The following GATA4 variants were observed in gnomAD, a reference collection of about 807,000 sequenced individuals.
The protein encoded by GATA4 is GATA binding protein 4, also known as transcription factor GATA-4.
In GATA4, 7 loss-of-function variants were observed where a neutral mutation model predicts 37.9. That is an observed-to-expected ratio of 0.18 (90% CI 0.11 to 0.35). GATA4 has a LOEUF of 0.35. GATA4 is among the 10% of genes least tolerant of loss of function. GATA4 has a pLI of 1.00. For missense variants in GATA4, 647 were observed against 653.0 expected, an observed-to-expected ratio of 0.99 and a Z score of 0.10; for synonymous variants, 372 against 292.6, an observed-to-expected ratio of 1.27 and a Z score of -2.77.
At chr8:11,744,457 C>T (rs1409441175) in intron 2 of GATA4, among the ~76,000 whole-genome samples, 1 of 152,198 alleles carries the variant, frequency 6.6e-6, no homozygotes, top group Non-Finnish European at 1.5e-5. Flanking sequence ...CATCCGAGGC[C>T]ACAGCTGTGC....
At chr8:11,756,859 C>G in intron 5 of GATA4, 76 bp from the exon 6 acceptor site, 2 of 1,601,820 alleles carry the variant, frequency 1.2e-6, no homozygotes, top group Admixed American at 3.3e-5. Flanking sequence ...GCACCCATCC[C>G]GGCTGTCTCG....
chr8:11,733,950 C>G (rs934896121), intron 2 of GATA4, among the ~76,000 whole-genome samples: 1 of 152,226 alleles, frequency 6.6e-6, no homozygotes, highest in Non-Finnish European at 1.5e-5. Flanking sequence ...CCCCCTGCCA[C>G]GAGGCTGGCA....
intron 2 of GATA4, among the ~76,000 whole-genome samples, chr8:11,722,068 T>C (rs1286338262): frequency 6.6e-6 from 1 of 152,210 alleles, no homozygotes; most frequent in African/African-American, 2.4e-5. Flanking sequence ...CACTGGTCTC[T>C]AACTCCTGGG....
intron 2 of GATA4, among the ~76,000 whole-genome samples, chr8:11,716,002 A>G (rs184751894): frequency 6.6e-6 from 1 of 152,258 alleles, no homozygotes; most frequent in African/African-American, 2.4e-5. Context: ...TTCATTTAAC[A>G]TAATGTCTTC....
At position 11,708,304 on chromosome 8, in the gene GATA4, G is replaced by T. The variant is rs371301441; in HGVS notation, c.-9G>T. The T allele has an allele frequency of 4.4e-6, 7 of 1,580,584 alleles. No individual in the cohort carries two copies. In the South Asian group the frequency reaches 7.9e-5, roughly 18 times the overall value. On this transcript the variant is annotated 5_prime_UTR_variant, in exon 2 of 7. Coordinates refer to ENST00000532059, the MANE Select transcript of GATA4 (RefSeq NM_001308093.3). The surrounding 1 kb of genome is among the most constrained non-coding windows in gnomAD (Gnocchi z 6.7). The stretch of plus-strand genomic sequence containing the variant: ...GAGAGGACACCGAAGCCGGGAGCTC[G>T]CAGGGACCATGTATCAGAGCTTGGC...
chr8:11,749,918 T>C lies in GATA4; in HGVS notation c.787-193T>C, dbSNP rs929644630. On this transcript the variant is annotated intron_variant, in intron 3 of 6. Transcript: ENST00000532059. This position sits in a 1 kb window ranked among gnomAD's most constrained non-coding sequence, Gnocchi z 4.6. ...TCTCCTCGGGCAGCAGAAACCTTGT[T>C]CTGATTTATTCCTCGCAGTGGCGCA... Among the ~76,000 whole-genome samples the C allele has an allele frequency of 6.6e-6, 1 of 152,212 alleles. No homozygotes were observed. The highest frequency in any genetic ancestry group is 1.5e-5 in the Non-Finnish European group (1 of 68,036).
At chr8:11,692,053 C>G, upstream of GATA4, 2 of 985,366 alleles carry the variant, frequency 2.0e-6, no homozygotes, top group Non-Finnish European at 2.4e-6. Context: ...GTGTCACCAA[C>G]AGAGGTGGCC....
At chr8:11,724,424 A>T (rs1162275765) in intron 2 of GATA4, among the ~76,000 whole-genome samples, 1 of 152,288 alleles carries the variant, frequency 6.6e-6, no homozygotes, top group East Asian at 1.9e-4. Flanking sequence ...TATATCCTTC[A>T]TGGCATCTTT....
chr8:11,701,137 T>G (rs73537868), upstream of GATA4, among the ~76,000 whole-genome samples: 1,395 of 152,042 alleles, frequency 9.2e-3, 24 homozygotes, highest in African/African-American at 0.032. Context: ...TAAAGCAATT[T>G]ATTCTTGCCT....
At chr8:11,681,803 T>A (rs1376013750) in intron 1 of GATA4, among the ~76,000 whole-genome samples, 1 of 152,176 alleles carries the variant, frequency 6.6e-6, no homozygotes, top group Non-Finnish European at 1.5e-5. Context: ...CCTGCCTGTC[T>A]TCTTTCCCGC....
upstream of GATA4, chr8:11,692,135 C>T: frequency 1.4e-6 from 1 of 712,796 alleles, no homozygotes; most frequent in Non-Finnish European, 1.7e-6. Flanking sequence ...GTTCTCCAGC[C>T]TAATGGCCTC....
chr8:11,680,496 T>C, intron 1 of GATA4: 2 of 985,462 alleles, frequency 2.0e-6, no homozygotes, highest in Non-Finnish European at 2.4e-6. Context: ...TCGATCAATC[T>C]GGCGCCACAT....
chr8:11,691,080 A>G (rs1799298453), upstream of GATA4, among the ~76,000 whole-genome samples: 1 of 152,210 alleles, frequency 6.6e-6, no homozygotes, highest in South Asian at 2.1e-4. Context: ...GTGTGGATAA[A>G]TGATTGTGTG....
At chr8:11,748,042 A>T (rs1563226810) in intron 2 of GATA4, among the ~76,000 whole-genome samples, 1 of 152,064 alleles carries the variant, frequency 6.6e-6, no homozygotes. Context: ...AGCCTGATGA[A>T]ACCCCGTCTC....
chr8:11,734,682 G>GT (rs1458419654), intron 2 of GATA4, among the ~76,000 whole-genome samples: 1 of 152,122 alleles, frequency 6.6e-6, no homozygotes, highest in Non-Finnish European at 1.5e-5. Flanking sequence ...AGATGGGGGG[G>GT]TTTCACCATG....
rs180765750 is a variant in GATA4, at chr8:11,750,175, G to A, written c.851G>A (p.Arg284His). The A allele has an allele frequency of 1.2e-6, 2 of 1,613,752 alleles. No homozygotes were observed. Among genetic ancestry groups the A allele is most frequent in the East Asian group, 2.2e-5 (1 of 44,884 alleles). ...NCQTTTTTLW[R>H]RNAEGEPVCN... ...CAGACCACCACCACCACGCTGTGGC[G>A]CCGCAATGCGGAGGGCGAGCCTGTG... is the stretch of plus-strand genomic sequence containing the variant. The change falls in exon 4 of 7, where the codon CGC (arginine) becomes CAC (histidine). Residue 284 changes from arginine to histidine, a missense_variant. By Grantham distance (29) the Arg-to-His change is conservative. This residue lies in a region of GATA4 where 21 missense variants were observed against 62.6 expected (regional missense o/e 0.34). Coordinates refer to ENST00000532059, the MANE Select transcript of GATA4 (RefSeq NM_001308093.3).
At chr8:11,697,643 C>G in intron 1 of GATA4, 1 of 985,444 alleles carries the variant, frequency 1.0e-6, no homozygotes, top group Non-Finnish European at 1.2e-6. Flanking sequence ...AGCACAGCCC[C>G]CCTTTCAGAG....
At chr8:11,725,896 T>C (rs1320502474) in intron 2 of GATA4, among the ~76,000 whole-genome samples, 1 of 152,188 alleles carries the variant, frequency 6.6e-6, no homozygotes, top group Non-Finnish European at 1.5e-5. Context: ...TGCATCTCTG[T>C]GTGGCTTGTC....
In GATA4 at chr8:11,758,375, A is replaced by T. The variant is rs909187176; in HGVS notation, c.1232A>T (p.Tyr411Phe). Residue 411 changes from tyrosine (Y) to phenylalanine (F), a missense_variant, in exon 7 of 7, where the codon TAT becomes TTT. Physicochemically the swap from Tyr to Phe is conservative, Grantham distance 22. Coordinates refer to ENST00000532059, the MANE Select transcript of GATA4 (RefSeq NM_001308093.3). Reference protein sequence around the residue: ...LSALKLSPQGYASPVSQSPQT... With the variant: ...LSALKLSPQGFASPVSQSPQT... ...GCCCTGAAGCTCTCCCCACAAGGCTATGCGTCTCCCGTCAGCCAGTCTCCA... is the reference window on the plus strand; with the variant it reads ...GCCCTGAAGCTCTCCCCACAAGGCTTTGCGTCTCCCGTCAGCCAGTCTCCA... 22 of 1,614,044 alleles carry T rather than the reference A, an allele frequency of 1.4e-5. 1 individual carries two copies. The highest frequency in any genetic ancestry group is 1.3e-4 in the East Asian group (6 of 44,896).
Sources: gnomAD v4.1 joint callset for allele counts (sites outside exome capture counted in the v4.1 genomes callset) on GRCh38, gnomAD v4.1.1 for gene constraint, gnomAD v4.1.1 regional missense constraint, Gnocchi (gnomAD v3.1) non-coding constraint, MANE v1.5 for transcripts, NCBI Gene and HGNC (gene_info 2026-07-23, HGNC 2026-07-21) for gene names.